Variants in PPFIBP1 observed in about 807,000 individuals in gnomAD.
PPFIBP1 encodes the protein liprin-beta-1.
Under a neutral mutation model 137.8 loss-of-function variants are expected in PPFIBP1, and 112 were observed. The observed-to-expected ratio is 0.81, with a 90% CI of 0.70 to 0.95. The LOEUF (loss-of-function observed/expected upper bound fraction) is 0.95. Among genes scored for constraint, PPFIBP1 ranks in the 40% least tolerant of loss-of-function variants. The pLI, the probability that PPFIBP1 is intolerant of heterozygous loss-of-function variation, is 0.00. For synonymous variants in PPFIBP1, 378 were observed against 417.3 expected (o/e 0.91, Z 1.15); for missense variants, 1,083 against 1,196.6 (o/e 0.91, Z 1.40).
chr12:27,660,377 T>G (rs1343954074), intron 10 of PPFIBP1, among the ~76,000 whole-genome samples: 1 of 152,226 alleles, frequency 6.6e-6, no homozygotes, highest in East Asian at 1.9e-4. Context: ...TTATTATCCT[T>G]ACGTATGGAA....
At chr12:27,591,453 A>G (rs2052507942) in intron 2 of PPFIBP1, among the ~76,000 whole-genome samples, 1 of 152,142 alleles carries the variant, frequency 6.6e-6, no homozygotes, top group Non-Finnish European at 1.5e-5. Context: ...GCAGAATGGA[A>G]TGGATTGGGA....
At chr12:27,637,989 A>T (rs2057807378) in intron 4 of PPFIBP1, among the ~76,000 whole-genome samples, 1 of 151,766 alleles carries the variant, frequency 6.6e-6, no homozygotes, top group Non-Finnish European at 1.5e-5. Flanking sequence ...TTTTTTATTA[A>T]TAAGGTACTT....
intron 2 of PPFIBP1, among the ~76,000 whole-genome samples, chr12:27,589,718 G>A (rs1190288415): frequency 6.6e-6 from 1 of 152,166 alleles, no homozygotes; most frequent in African/African-American, 2.4e-5. Flanking sequence ...GTCTTCTAAA[G>A]TATTTTGGTT....
chr12:27,692,025 C>T, intron 28 of PPFIBP1, 97 bp downstream of exon 28: 1 of 1,058,506 alleles, frequency 9.4e-7, no homozygotes, highest in Non-Finnish European at 1.4e-6. Context: ...ACATTTTCTT[C>T]AAATAACTAA....
chr12:27,597,189 A>G (rs2053416092), intron 2 of PPFIBP1, among the ~76,000 whole-genome samples: 1 of 152,130 alleles, frequency 6.6e-6, no homozygotes, highest in African/African-American at 2.4e-5. Context: ...TATTTTTGAG[A>G]CAGAGTCTCG....
chr12:27,593,679 T>G, intron 2 of PPFIBP1: 1 of 563,556 alleles, frequency 1.8e-6, no homozygotes, highest in East Asian at 3.3e-5. Context: ...TGTCCTCTCT[T>G]TTGGGAACTT....
intron 1 of PPFIBP1, among the ~76,000 whole-genome samples, chr12:27,540,270 G>T: frequency 6.8e-6 from 1 of 148,126 alleles, no homozygotes; most frequent in African/African-American, 2.5e-5. Context: ...CAGTAGTACT[G>T]AGGTTGAGAA....
At chr12:27,612,002 C>T (rs2055175368) in intron 2 of PPFIBP1, among the ~76,000 whole-genome samples, 1 of 152,228 alleles carries the variant, frequency 6.6e-6, no homozygotes. Context: ...TCACTGGACA[C>T]CTTGCTTTAG....
intron 2 of PPFIBP1, among the ~76,000 whole-genome samples, chr12:27,600,309 G>A (rs773909672): frequency 6.6e-5 from 10 of 151,926 alleles, no homozygotes; most frequent in African/African-American, 1.7e-4. Flanking sequence ...GGTGGTACAC[G>A]CCTGTAGTCC....
chr12:27,571,175 T>C (rs1411349055), intron 1 of PPFIBP1, among the ~76,000 whole-genome samples: 1 of 152,196 alleles, frequency 6.6e-6, no homozygotes, highest in African/African-American at 2.4e-5. Context: ...TCCTGTAACC[T>C]GGTTCTGCTT....
At chr12:27,644,243 A>AGTTTTTTT (rs1383739022) in intron 4 of PPFIBP1, among the ~76,000 whole-genome samples, 1 of 50,920 alleles carries the variant, frequency 2.0e-5, no homozygotes, top group African/African-American at 7.8e-5. Flanking sequence ...AGCTTGGCTA[A>AGTTTTTTT]GTTTTTTTTT....
intron 4 of PPFIBP1, 86 bp downstream of exon 4, chr12:27,635,201 G>C (rs1329466598): frequency 2.2e-6 from 3 of 1,341,622 alleles, no homozygotes; most frequent in African/African-American, 2.9e-5. Context: ...ATTAGAACAA[G>C]AAAAGTTTAG....
Position 27,650,118 on chromosome 12 carries a change from G to T in PPFIBP1, c.580G>T (p.Glu194Ter). Residue 194 changes from glutamate (E) to a stop codon, truncating the protein, a stop_gained, in exon 7 of 30, where the codon GAA becomes TAA. Coordinates refer to ENST00000228425, the MANE Select transcript of PPFIBP1 (RefSeq NM_003622.4). LOFTEE classifies it high-confidence loss of function. ...TGTAGAGAAGGACAGATTGGATTAT[G>T]AAGATAAGTTCAGAGACACAGAGGT... ...TAVEKDRLDY[E>*]DKFRDTEGLI... The T allele has an allele frequency of 6.2e-7, 1 of 1,607,780 alleles. No individual in the cohort carries two copies. The highest frequency in any genetic ancestry group is 8.5e-7 in the Non-Finnish European group (1 of 1,174,562).
At chr12:27,688,759 T>C (rs78621914) in intron 26 of PPFIBP1, among the ~76,000 whole-genome samples, 1,796 of 152,280 alleles carry the variant, frequency 0.012, 27 homozygotes, top group African/African-American at 0.041. Context: ...GACAGCACCC[T>C]AGAGAGGCAG....
At position 27,647,803 on chromosome 12, in the gene PPFIBP1, C is replaced by A. The variant is rs376729598; in HGVS notation, c.432C>A (p.His144Gln). ...IRDLEFCLEE[H>Q]REKVNATEEM... Reference sequence around the variant, plus strand: ...ATTTGGAGTTTTGTCTTGAAGAGCACAGAGAGAAGGTGAATGCCACAGAAG... The same window carrying A: ...ATTTGGAGTTTTGTCTTGAAGAGCAAAGAGAGAAGGTGAATGCCACAGAAG... The change falls in exon 6 of 30, where the codon CAC becomes CAA. Residue 144 changes from histidine to glutamine, a missense_variant. Physicochemically the swap from His to Gln is conservative, Grantham distance 24 (BLOSUM62 0). Coordinates refer to ENST00000228425, the MANE Select transcript of PPFIBP1 (RefSeq NM_003622.4). 1.9e-6 allele frequency: 3 copies of A among 1,611,738 alleles called. No individual in the cohort carries two copies. Among genetic ancestry groups the A allele is most frequent in the Non-Finnish European group, 2.5e-6 (3 of 1,179,168 alleles).
chr12:27,586,783 GTTC>G (rs1208592645), intron 2 of PPFIBP1, among the ~76,000 whole-genome samples: 4 of 152,116 alleles, frequency 2.6e-5, no homozygotes, highest in Admixed American at 6.5e-5. Context: ...GACTATGCCT[GTTC>G]TTCTTGTTAG....
intron 2 of PPFIBP1, among the ~76,000 whole-genome samples, chr12:27,595,393 C>T (rs1395914091): frequency 6.6e-6 from 1 of 152,174 alleles, no homozygotes; most frequent in East Asian, 1.9e-4. Flanking sequence ...AGAAATCCTT[C>T]ACATCCCGAG....
At chr12:27,533,227 T>C (rs889959125) in intron 1 of PPFIBP1, among the ~76,000 whole-genome samples, 1 of 152,104 alleles carries the variant, frequency 6.6e-6, no homozygotes, top group African/African-American at 2.4e-5. Flanking sequence ...GAGTTTGAAA[T>C]TCCATCATGA....
rs1181494403 is a variant in PPFIBP1, at chr12:27,695,296, A to G, written c.*2414A>G. 4 of 152,002 alleles carry G rather than the reference A, an allele frequency of 2.6e-5. No homozygotes were observed. Among genetic ancestry groups the G allele is most frequent in the Non-Finnish European group, 5.9e-5 (4 of 68,012 alleles). 9.4% of individuals were successfully genotyped at this position (152,002 alleles called of 1,614,324 possible). A position where few individuals can be genotyped will look rare whatever the true frequency, so the allele number is the denominator to read the frequency against. Reference sequence around the variant, plus strand: ...CACGCCTGGCTAATTTTGTTTTTGTATTTTTAGTAGAGACGGGGTTTCACC... The same window carrying G: ...CACGCCTGGCTAATTTTGTTTTTGTGTTTTTAGTAGAGACGGGGTTTCACC... On this transcript the variant is annotated 3_prime_UTR_variant, in exon 30 of 30. Coordinates refer to ENST00000228425, the MANE Select transcript of PPFIBP1 (RefSeq NM_003622.4).
Sources: gnomAD v4.1 joint callset for allele counts (sites outside exome capture counted in the v4.1 genomes callset) on GRCh38, gnomAD v4.1.1 for gene constraint, MANE v1.5 for transcripts, NCBI Gene and HGNC (gene_info 2026-07-23, HGNC 2026-07-21) for gene names.